Variants in SLC35D4 observed in about 807,000 individuals in gnomAD.
SLC35D4 encodes UDP-N-acetylglucosamine transporter SLC35D4.
the SLC35D4 span, among the ~76,000 whole-genome samples, chr18:23,399,391 C>G: frequency 6.6e-6 from 1 of 152,224 alleles, no homozygotes; most frequent in South Asian, 2.1e-4. Context: ...CCTTGTAACA[C>G]AAGTTGGCCT....
At chr18:23,257,064 C>T in the SLC35D4 span, 6 of 725,358 alleles carry the variant, frequency 8.3e-6, no homozygotes, top group East Asian at 2.8e-5. Context: ...GGACCGAAGG[C>T]AGGAAGCACA....
chr18:23,308,014 C>A, the SLC35D4 span, among the ~76,000 whole-genome samples: 10 of 152,240 alleles, frequency 6.6e-5, no homozygotes, highest in African/African-American at 2.4e-4. Flanking sequence ...CGCACTGCTT[C>A]TGGGAGGGAG....
chr18:23,304,601 T>G, the SLC35D4 span, among the ~76,000 whole-genome samples: 1 of 151,910 alleles, frequency 6.6e-6, no homozygotes, highest in Non-Finnish European at 1.5e-5. Context: ...CACATATACA[T>G]ATCTCAGGAT....
the SLC35D4 span, among the ~76,000 whole-genome samples, chr18:23,298,707 G>A: frequency 1.3e-5 from 2 of 152,148 alleles, no homozygotes; most frequent in Non-Finnish European, 2.9e-5. Flanking sequence ...TTTGAACCTC[G>A]CCGTAGACAG....
the SLC35D4 span, among the ~76,000 whole-genome samples, chr18:23,322,967 G>A: frequency 2.6e-4 from 39 of 152,280 alleles, no homozygotes; most frequent in East Asian, 2.5e-3. Context: ...CATACTTTTA[G>A]AATGATAGAT....
At chr18:23,261,438 A>G in the SLC35D4 span, among the ~76,000 whole-genome samples, 2 of 152,124 alleles carry the variant, frequency 1.3e-5, no homozygotes, top group Admixed American at 1.3e-4. Flanking sequence ...CCTGGGCAAC[A>G]TGGCAAAACC....
At chr18:23,256,876 T>C in the SLC35D4 span, among the ~76,000 whole-genome samples, 2 of 152,240 alleles carry the variant, frequency 1.3e-5, no homozygotes, top group Admixed American at 1.3e-4. Flanking sequence ...GTGCTGCAAT[T>C]GGCTACACAT....
chr18:23,283,986 C>G, the SLC35D4 span, among the ~76,000 whole-genome samples: 1 of 152,218 alleles, frequency 6.6e-6, no homozygotes, highest in Non-Finnish European at 1.5e-5. Context: ...CTGAAGGTTC[C>G]TCCCCTTTTA....
At chr18:23,281,926 T>C in the SLC35D4 span, among the ~76,000 whole-genome samples, 4 of 152,170 alleles carry the variant, frequency 2.6e-5, no homozygotes, top group African/African-American at 9.7e-5. Flanking sequence ...AAAGAAGGAA[T>C]GAGGAAATAA....
At chr18:23,375,826 G>A in the SLC35D4 span, among the ~76,000 whole-genome samples, 3 of 152,156 alleles carry the variant, frequency 2.0e-5, no homozygotes, top group Non-Finnish European at 2.9e-5. Context: ...ATATTTTCAG[G>A]AAGCTATCCT....
chr18:23,341,689 T>C, the SLC35D4 span, among the ~76,000 whole-genome samples: 1 of 152,148 alleles, frequency 6.6e-6, no homozygotes, highest in East Asian at 1.9e-4. Flanking sequence ...AAAGAATGGA[T>C]ACATATTCTA....
chr18:23,331,947 G>A, the SLC35D4 span, among the ~76,000 whole-genome samples: 1 of 146,680 alleles, frequency 6.8e-6, no homozygotes, highest in Non-Finnish European at 1.5e-5. Context: ...GTGTGGTGGA[G>A]TGATCATAAC....
the SLC35D4 span, among the ~76,000 whole-genome samples, chr18:23,333,510 T>C: frequency 6.6e-6 from 1 of 152,074 alleles, no homozygotes; most frequent in African/African-American, 2.4e-5. Flanking sequence ...ATTTCAAGAG[T>C]GCATGAAGGA....
the SLC35D4 span, among the ~76,000 whole-genome samples, chr18:23,308,724 C>G: frequency 2.2e-4 from 33 of 152,180 alleles, no homozygotes; most frequent in African/African-American, 7.5e-4. Flanking sequence ...GCTCAGACAG[C>G]TTAGTGAGGC....
the SLC35D4 span, among the ~76,000 whole-genome samples, chr18:23,286,748 G>A: frequency 6.6e-6 from 1 of 151,924 alleles, no homozygotes; most frequent in East Asian, 1.9e-4. Flanking sequence ...CAACTCTGGT[G>A]CCAACTTAGA....
At chr18:23,420,022 C>A in the SLC35D4 span, among the ~76,000 whole-genome samples, 1 of 151,766 alleles carries the variant, frequency 6.6e-6, no homozygotes, top group Non-Finnish European at 1.5e-5. Flanking sequence ...ATAAGGGAAT[C>A]GCCGGGCACA....
At chr18:23,313,158 G>A in the SLC35D4 span, among the ~76,000 whole-genome samples, 8,333 of 39,404 alleles carry the variant, frequency 0.21, 1 homozygote, top group Non-Finnish European at 0.29. Context: ...AAAAAAAAAA[G>A]AACCTGAGCC....
the SLC35D4 span, chr18:23,399,760 A>ACAG: frequency 7.1e-6 from 7 of 983,750 alleles, no homozygotes; most frequent in Non-Finnish European, 1.1e-5. Flanking sequence ...GGCTGTCTAA[A>ACAG]AATCCCTGGC....
the SLC35D4 span, among the ~76,000 whole-genome samples, chr18:23,270,403 A>C: frequency 6.6e-6 from 1 of 152,222 alleles, no homozygotes; most frequent in South Asian, 2.1e-4. Flanking sequence ...AGCCCTCATG[A>C]AGAACTCTTC....
Sources: gnomAD v4.1 joint callset for allele counts (sites outside exome capture counted in the v4.1 genomes callset) on GRCh38, gnomAD v4.1.1 for gene constraint, MANE v1.5 for transcripts, NCBI Gene and HGNC (gene_info 2026-07-23, HGNC 2026-07-21) for gene names.